Variants in PRKCE observed in about 807,000 individuals in gnomAD.
PRKCE encodes protein kinase C epsilon type.
Under a neutral mutation model 85.4 loss-of-function variants are expected in PRKCE, and 16 were observed. The observed-to-expected ratio is 0.19, with a 90% confidence interval of 0.13 to 0.28. The LOEUF is 0.28. Ranked by LOEUF, PRKCE falls within the 10% of genes least tolerant of loss-of-function variation. The pLI, the probability that PRKCE is intolerant of heterozygous loss-of-function variation, is 1.00. For synonymous variants in PRKCE, 388 were observed against 371.5 expected, an observed-to-expected ratio of 1.04 and a Z score of -0.51; for missense variants, 573 against 975.2, an observed-to-expected ratio of 0.59 and a Z score of 5.49.
In PRKCE at chr2:46,001,599, G is replaced by T; in HGVS notation, c.966+53G>T. ...GAGCCCTTTTCAGGCTAGCATTTCT[G>T]TGCTGACTTCCAGAGGGTGCTCTGG... On this transcript the variant is annotated intron_variant, in intron 7 of 14. Transcript: ENST00000306156. This position sits in a 1 kb window ranked among gnomAD's most constrained non-coding sequence, Gnocchi z 4.4. The T allele has an allele frequency of 6.4e-7, 1 of 1,566,538 alleles. No homozygotes were observed. The highest frequency in any genetic ancestry group is 8.6e-7 in the Non-Finnish European group (1 of 1,160,362).
rs1675283237 is a variant in PRKCE, at chr2:45,654,378, G to A, written c.348+1930G>A. The stretch of plus-strand genomic sequence containing the variant: ...CTCTAAGGTTCTCAAATTCATGTTG[G>A]ATTTGGCCCTAGGCCAGATCATCTA... On this transcript the variant is annotated intron_variant, in intron 1 of 14. Coordinates refer to ENST00000306156, the MANE Select transcript of PRKCE (RefSeq NM_005400.3). Among the ~76,000 whole-genome samples, 3 of 152,232 alleles carry A rather than the reference G, an allele frequency of 2.0e-5. No homozygotes were observed. The South Asian group carries it at 6.2e-4, about 32-fold the overall frequency.
At position 46,101,683 on chromosome 2, in the gene PRKCE, C is replaced by T. The variant is rs1004206563; in HGVS notation, c.1592+15321C>T. ...ATGATCCTAGTATTTAATAGAATTT[C>T]AGAGGTGGGAGAAAACTTGGGAGTT... On this transcript the variant is annotated intron_variant, in intron 11 of 14. Coordinates refer to ENST00000306156, the MANE Select transcript of PRKCE (RefSeq NM_005400.3). 4.7e-4 allele frequency among the ~76,000 whole-genome samples: 72 copies of T among 152,236 alleles called. 1 individual carries two copies. Among genetic ancestry groups the T allele is most frequent in the African/African-American group, 1.7e-3 (69 of 41,548 alleles).
chr2:45,673,605 TA>T (rs1558542363), intron 1 of PRKCE, among the ~76,000 whole-genome samples: 1 of 152,208 alleles, frequency 6.6e-6, no homozygotes, highest in African/African-American at 2.4e-5. Flanking sequence ...AAATAATCAT[TA>T]TCCATTTATG....
chr2:45,787,413 C>T (rs1039654083), intron 1 of PRKCE, among the ~76,000 whole-genome samples: 1 of 152,118 alleles, frequency 6.6e-6, no homozygotes, highest in Admixed American at 6.6e-5. Flanking sequence ...CTGAGAGGCC[C>T]CTGACCAGTC....
intron 1 of PRKCE, among the ~76,000 whole-genome samples, chr2:45,710,912 G>T (rs1296770386): frequency 6.6e-6 from 1 of 152,212 alleles, no homozygotes; most frequent in Non-Finnish European, 1.5e-5. Flanking sequence ...CTGGGAGAGA[G>T]GGGGGACCTT....
intron 11 of PRKCE, among the ~76,000 whole-genome samples, 197 bp from the exon 12 acceptor site, chr2:46,144,896 G>A (rs1675919261): frequency 6.6e-6 from 1 of 152,198 alleles, no homozygotes; most frequent in Non-Finnish European, 1.5e-5. Context: ...CCCTCTTGCT[G>A]AAGAAAGTGG....
In PRKCE at chr2:46,184,863, T is replaced by C. The variant is rs904618696; in HGVS notation, c.2196T>C (p.Gly732=). The part of the protein sequence containing the change: ...QEEFKGFSYF[G]EDLMP ...AATTCAAAGGTTTCTCCTACTTTGG[T>C]GAAGACCTGATGCCCTGAGAGCCCA... The change falls in exon 15 of 15, where the codon GGT becomes GGC. Residue 732 remains glycine, a synonymous_variant. Coordinates refer to ENST00000306156, the MANE Select transcript of PRKCE (RefSeq NM_005400.3). This position sits in a 1 kb window ranked among gnomAD's most constrained non-coding sequence, Gnocchi z 5.0. The C allele has an allele frequency of 1.0e-5, 16 of 1,599,676 alleles. No homozygotes were observed. In the African/African-American group the frequency reaches 1.9e-4, roughly 19 times the overall value.
chr2:46,112,710 G>A (rs1165172470), intron 11 of PRKCE, among the ~76,000 whole-genome samples: 1 of 152,014 alleles, frequency 6.6e-6, no homozygotes, highest in Non-Finnish European at 1.5e-5. Flanking sequence ...AGTAGAGACA[G>A]GGTTTCACCA....
Position 45,949,700 on chromosome 2 carries a change from GT to G in PRKCE, c.413-26723del, listed in dbSNP as rs374100497. 2.3e-3 allele frequency among the ~76,000 whole-genome samples: 354 copies of G among 151,754 alleles called. 3 individuals are homozygous for G. Among genetic ancestry groups the G allele is most frequent in the African/African-American group, 7.9e-3 (328 of 41,448 alleles). On this transcript the variant is annotated intron_variant, in intron 2 of 14. Coordinates refer to ENST00000306156, the MANE Select transcript of PRKCE (RefSeq NM_005400.3). ...TTTGCTTTTTGCACTGGGTCTAACA[GT>G]TTTTTCTCCCCCAGTTTGACAACCA... is the stretch of plus-strand genomic sequence containing the variant.
rs1158408372 is a variant in PRKCE at position 45,786,708 on chromosome 2, G to C, written c.349-56292G>C. Among the ~76,000 whole-genome samples, 2 of 152,140 alleles carry C rather than the reference G, an allele frequency of 1.3e-5. No individual in the cohort carries two copies. The highest frequency in any genetic ancestry group is 4.8e-5 in the African/African-American group (2 of 41,414). On this transcript the variant is annotated intron_variant, in intron 1 of 14. Transcript: ENST00000306156. The surrounding 1 kb of genome is among the most constrained non-coding windows in gnomAD (Gnocchi z 5.3). ...AGGAACAGCAGCAAACCTTACTGGG[G>C]GTTCACCCTGTGCCAAGCAGGCTCT... is the stretch of plus-strand genomic sequence containing the variant.
intron 2 of PRKCE, among the ~76,000 whole-genome samples, chr2:45,847,613 C>A (rs1691902883): frequency 6.6e-6 from 1 of 152,088 alleles, no homozygotes; most frequent in Non-Finnish European, 1.5e-5. Context: ...ATGATGTGCT[C>A]CAGGCCAAAA....
intron 1 of PRKCE, among the ~76,000 whole-genome samples, chr2:45,834,083 T>C (rs1204374920): frequency 6.6e-6 from 1 of 152,232 alleles, no homozygotes; most frequent in Admixed American, 6.5e-5. Context: ...CTGGGGCCAT[T>C]TCTGAGCCTG....
intron 1 of PRKCE, among the ~76,000 whole-genome samples, chr2:45,826,090 C>T (rs1180357377): frequency 2.0e-5 from 3 of 152,098 alleles, no homozygotes; most frequent in Non-Finnish European, 4.4e-5. Context: ...AGACCCCACC[C>T]AGGGCAGTAG....
At chr2:45,736,391 G>A (rs1471719894) in intron 1 of PRKCE, among the ~76,000 whole-genome samples, 3 of 152,178 alleles carry the variant, frequency 2.0e-5, no homozygotes, top group Admixed American at 6.5e-5. Flanking sequence ...TGAGAGCAGG[G>A]CTGGTGTTCC....
intron 11 of PRKCE, among the ~76,000 whole-genome samples, chr2:46,141,307 C>A (rs1303790249): frequency 6.6e-6 from 1 of 151,780 alleles, no homozygotes; most frequent in Non-Finnish European, 1.5e-5. Context: ...CTTTAAGTGC[C>A]AAGACAGAAA....
intron 1 of PRKCE, among the ~76,000 whole-genome samples, chr2:45,832,727 G>A (rs550141267): frequency 2.0e-5 from 3 of 152,134 alleles, no homozygotes; most frequent in East Asian, 1.9e-4. Flanking sequence ...AGGCCTCAAG[G>A]TACCTATTGG....
intron 1 of PRKCE, among the ~76,000 whole-genome samples, chr2:45,696,905 G>T (rs1298947510): frequency 6.6e-6 from 1 of 152,046 alleles, no homozygotes; most frequent in Non-Finnish European, 1.5e-5. Flanking sequence ...CATGTGACTG[G>T]TCTCATGACC....
chr2:46,143,940 C>T (rs550814601), intron 11 of PRKCE, among the ~76,000 whole-genome samples: 19 of 152,312 alleles, frequency 1.2e-4, no homozygotes, highest in East Asian at 9.6e-4. Context: ...CACATCTTGA[C>T]GCCAGCAGAC....
At chr2:45,797,274 A>C (rs535719883) in intron 1 of PRKCE, among the ~76,000 whole-genome samples, 1 of 152,184 alleles carries the variant, frequency 6.6e-6, no homozygotes, top group Non-Finnish European at 1.5e-5. Context: ...TCATAGAACA[A>C]AACCCCTACC....
Sources: gnomAD v4.1 joint callset for allele counts (sites outside exome capture counted in the v4.1 genomes callset) on GRCh38, gnomAD v4.1.1 for gene constraint, Gnocchi (gnomAD v3.1) non-coding constraint, MANE v1.5 for transcripts, NCBI Gene and HGNC (gene_info 2026-07-23, HGNC 2026-07-21) for gene names.